The following CDIN1 variants were observed in gnomAD, a reference collection of about 807,000 sequenced individuals.
CDIN1 encodes CDAN1 interacting nuclease 1.
In CDIN1, 33 loss-of-function variants were observed where a neutral mutation model predicts 45.3. The ratio of observed to expected loss-of-function variants is 0.73; its 90% CI spans 0.55 to 0.97. CDIN1 has a LOEUF of 0.97. Among genes scored for constraint, CDIN1 ranks in the 50% least tolerant of loss-of-function variants. The pLI is 0.00. For missense variants in CDIN1, 303 were observed against 339.4 expected, an observed-to-expected ratio of 0.89 and a Z score of 0.84; for synonymous variants, 118 against 124.4, an observed-to-expected ratio of 0.95 and a Z score of 0.34.
chr15:36,693,507 G>A (rs1401486872), intron 7 of CDIN1, among the ~76,000 whole-genome samples: 1 of 152,104 alleles, frequency 6.6e-6, no homozygotes, highest in East Asian at 1.9e-4. Flanking sequence ...CAGAGTATCT[G>A]GGGTTGAATT....
intron 8 of CDIN1, 87 bp downstream of exon 8, chr15:36,697,477 G>T: frequency 9.4e-7 from 1 of 1,069,162 alleles, no homozygotes; most frequent in Non-Finnish European, 1.4e-6. Context: ...TAAAGGAAGA[G>T]TGAATGATGA....
chr15:36,648,133 C>G (rs889043158), intron 3 of CDIN1, among the ~76,000 whole-genome samples: 3 of 152,124 alleles, frequency 2.0e-5, no homozygotes, highest in African/African-American at 7.2e-5. Flanking sequence ...GCCACCGTGC[C>G]CGGCTGTGAT....
Position 36,691,644 on chromosome 15 carries a change from T to A in CDIN1, c.347-41T>A, listed in dbSNP as rs776378342. ...CACTCCTCATGTTGCATTAAAAGTATGTTGACTATCTGCTAACAGTTCATC... is the reference window on the plus strand; with the variant it reads ...CACTCCTCATGTTGCATTAAAAGTAAGTTGACTATCTGCTAACAGTTCATC... On this transcript the variant is annotated intron_variant, in intron 5 of 10. Coordinates refer to ENST00000566621, the MANE Select transcript of CDIN1 (RefSeq NM_001321759.2). 19 of 1,317,440 alleles carry A rather than the reference T, an allele frequency of 1.4e-5. No homozygotes were observed. The Admixed American group carries it at 2.3e-4, about 16-fold the overall frequency. The allele number at this position is 1,317,440 out of a possible 1,614,324, so 81.6% of individuals were successfully genotyped here.
At chr15:36,643,401 A>C (rs534162032) in intron 1 of CDIN1, among the ~76,000 whole-genome samples, 55 of 152,362 alleles carry the variant, frequency 3.6e-4, no homozygotes, top group African/African-American at 1.3e-3. Flanking sequence ...GTATTTTGGC[A>C]TACTATAAAA....
intron 10 of CDIN1, among the ~76,000 whole-genome samples, chr15:36,793,269 C>T (rs906649365): frequency 6.6e-6 from 1 of 152,256 alleles, no homozygotes; most frequent in African/African-American, 2.4e-5. Context: ...TTCATGTTAT[C>T]TTTGCCTCAC....
intron 1 of CDIN1, among the ~76,000 whole-genome samples, chr15:36,583,415 C>T (rs898582045): frequency 1.3e-5 from 2 of 152,094 alleles, no homozygotes; most frequent in Non-Finnish European, 2.9e-5. Context: ...ACTGAAGTTA[C>T]AAAATTATGT....
intron 5 of CDIN1, among the ~76,000 whole-genome samples, chr15:36,659,765 A>G (rs1323127183): frequency 6.6e-6 from 1 of 151,926 alleles, no homozygotes; most frequent in African/African-American, 2.4e-5. Context: ...CTGTATTAAA[A>G]TATTTCTCTG....
intron 1 of CDIN1, among the ~76,000 whole-genome samples, chr15:36,624,054 T>A (rs183790389): frequency 1.9e-4 from 29 of 152,326 alleles, no homozygotes; most frequent in Admixed American, 5.2e-4. Flanking sequence ...ATTATCATGA[T>A]CATCATGACA....
At chr15:36,763,483 G>T (rs8025692) in intron 10 of CDIN1, among the ~76,000 whole-genome samples, 2 of 152,014 alleles carry the variant, frequency 1.3e-5, no homozygotes, top group East Asian at 3.9e-4. Context: ...GAGTTCAGGG[G>T]CTCCCCAGAC....
intron 10 of CDIN1, among the ~76,000 whole-genome samples, chr15:36,770,198 G>A (rs1326751017): frequency 1.3e-5 from 2 of 151,414 alleles, no homozygotes; most frequent in Non-Finnish European, 2.9e-5. Context: ...AAGGAAGGGA[G>A]AAAAATAAGG....
rs2040265892 is a variant in CDIN1 at position 36,645,240 on chromosome 15, A to G, written c.165A>G (p.Thr55=). The G allele has an allele frequency of 6.4e-7, 1 of 1,552,826 alleles. No homozygotes were observed. Among genetic ancestry groups the G allele is most frequent in the African/African-American group, 1.4e-5 (1 of 73,222 alleles). ...SQEYQKHIKR[T]HAKHHTSEAI... is the part of the protein sequence containing the mutation. The stretch of plus-strand genomic sequence containing the variant: ...TCTTTCAGAAACACATTAAAAGAAC[A>G]CATGCCAAACATCATACTTCGGAAG... Residue 55 remains threonine, a synonymous_variant, in exon 3 of 11, where the codon ACA becomes ACG. Coordinates refer to ENST00000566621, the MANE Select transcript of CDIN1 (RefSeq NM_001321759.2).
intron 7 of CDIN1, among the ~76,000 whole-genome samples, chr15:36,692,837 G>A (rs1036036396): frequency 6.6e-6 from 1 of 152,188 alleles, no homozygotes; most frequent in Non-Finnish European, 1.5e-5. Context: ...TGAACAGACA[G>A]TAACTACATA....
chr15:36,603,544 A>G (rs566902586), intron 1 of CDIN1, among the ~76,000 whole-genome samples: 1 of 152,290 alleles, frequency 6.6e-6, no homozygotes, highest in East Asian at 1.9e-4. Flanking sequence ...GGTTGGAGAT[A>G]CTTCTTTAGG....
chr15:36,674,616 C>A (rs941571520), intron 5 of CDIN1, among the ~76,000 whole-genome samples: 2 of 152,058 alleles, frequency 1.3e-5, no homozygotes, highest in East Asian at 3.9e-4. Context: ...AAAAATCAAT[C>A]AAAATGCCAT....
At chr15:36,588,748 G>A (rs1164983447) in intron 1 of CDIN1, among the ~76,000 whole-genome samples, 1 of 151,910 alleles carries the variant, frequency 6.6e-6, no homozygotes, top group Non-Finnish European at 1.5e-5. Flanking sequence ...CTTCTGAAAG[G>A]TTATTATGTT....
chr15:36,789,536 A>G (rs1273911782), intron 10 of CDIN1, among the ~76,000 whole-genome samples: 1 of 152,194 alleles, frequency 6.6e-6, no homozygotes, highest in African/African-American at 2.4e-5. Context: ...AACAGGTACA[A>G]AGTTACCATG....
chr15:36,632,624 C>T (rs914432903), intron 1 of CDIN1, among the ~76,000 whole-genome samples: 31 of 152,194 alleles, frequency 2.0e-4, no homozygotes, highest in African/African-American at 6.5e-4. Flanking sequence ...GTGGGATCCC[C>T]CATGCATATG....
intron 10 of CDIN1, among the ~76,000 whole-genome samples, chr15:36,716,096 G>C (rs954997216): frequency 1.3e-5 from 2 of 152,138 alleles, no homozygotes; most frequent in Non-Finnish European, 1.5e-5. Context: ...AAAGAAAACA[G>C]ATCTATAAGG....
intron 1 of CDIN1, among the ~76,000 whole-genome samples, chr15:36,623,849 T>G (rs1277859339): frequency 1.3e-5 from 2 of 152,222 alleles, no homozygotes; most frequent in African/African-American, 4.8e-5. Flanking sequence ...GTTTTATGAT[T>G]TGGAGGCAGT....
Sources: gnomAD v4.1 joint callset for allele counts (sites outside exome capture counted in the v4.1 genomes callset) on GRCh38, gnomAD v4.1.1 for gene constraint, MANE v1.5 for transcripts, NCBI Gene and HGNC (gene_info 2026-07-23, HGNC 2026-07-21) for gene names.